Variants in NRIP1 observed in about 807,000 individuals in gnomAD.
NRIP1 encodes the protein nuclear receptor interacting protein 1.
In NRIP1, 28 loss-of-function variants were observed where a neutral mutation model predicts 75.0. That is an observed-to-expected ratio of 0.37 (90% CI 0.28 to 0.51). NRIP1 has a LOEUF of 0.51. Ranked by LOEUF, NRIP1 falls within the 20% of genes least tolerant of loss-of-function variation. The pLI is 0.92. For synonymous variants in NRIP1, 526 were observed against 487.6 expected (o/e 1.08, Z -1.04); for missense variants, 1,435 against 1,343.7 (o/e 1.07, Z -1.06).
Position 15,042,833 on chromosome 21 carries a change from A to T in NRIP1, c.-458+662T>A, listed in dbSNP as rs527262734. Among the ~76,000 whole-genome samples, 6 of 152,380 alleles carry T rather than the reference A, an allele frequency of 3.9e-5. No individual in the cohort carries two copies. In the South Asian group the frequency reaches 1.2e-3, roughly 32 times the overall value. On this transcript the variant is annotated intron_variant, in intron 2 of 3. Coordinates refer to ENST00000318948, the MANE Select transcript of NRIP1 (RefSeq NM_003489.4). ...CAAATGGACTAAGATAAGGTACAAA[A>T]GACAAAGCACAAAGTGAGTAAGTTT... is the stretch of plus-strand genomic sequence containing the variant.
At chr21:15,034,620 A>G (rs374859060) in intron 2 of NRIP1, among the ~76,000 whole-genome samples, 1 of 152,210 alleles carries the variant, frequency 6.6e-6, no homozygotes, top group East Asian at 1.9e-4. Context: ...ATGAAATGAA[A>G]GACAGGTTAA....
chr21:14,994,856 T>C (rs922603949), intron 3 of NRIP1, among the ~76,000 whole-genome samples: 1 of 152,212 alleles, frequency 6.6e-6, no homozygotes, highest in Non-Finnish European at 1.5e-5. Flanking sequence ...TAACATTGTG[T>C]CTGCTATCCT....
intron 3 of NRIP1, among the ~76,000 whole-genome samples, chr21:14,989,401 G>C (rs1159029027): frequency 6.6e-6 from 1 of 152,144 alleles, no homozygotes; most frequent in Non-Finnish European, 1.5e-5. Flanking sequence ...TAAACCAACT[G>C]CCTCCCTTGA....
chr21:15,014,541 T>C (rs1368349756), intron 2 of NRIP1, 75 bp from the exon 3 acceptor site: 1 of 398,190 alleles, frequency 2.5e-6, no homozygotes, highest in Non-Finnish European at 4.4e-6. Context: ...CAAGTTCAAC[T>C]TATCCCATTA....
At chr21:15,000,378 T>G (rs1308081348) in intron 3 of NRIP1, among the ~76,000 whole-genome samples, 1 of 152,124 alleles carries the variant, frequency 6.6e-6, no homozygotes, top group East Asian at 1.9e-4. Flanking sequence ...AGTTATTATA[T>G]GCCAGGTACA....
intron 2 of NRIP1, among the ~76,000 whole-genome samples, chr21:15,024,145 C>T (rs1381573911): frequency 6.6e-6 from 1 of 152,100 alleles, no homozygotes; most frequent in Non-Finnish European, 1.5e-5. Context: ...TAACTATATG[C>T]AAAGCGTTAA....
intron 3 of NRIP1, among the ~76,000 whole-genome samples, chr21:14,981,003 C>A (rs867335583): frequency 2.0e-5 from 3 of 152,142 alleles, no homozygotes; most frequent in African/African-American, 4.8e-5. Flanking sequence ...AGTTTCCAGT[C>A]AAGCTGTGGA....
At chr21:15,055,298 T>C (rs747302934) in intron 1 of NRIP1, among the ~76,000 whole-genome samples, 1 of 152,236 alleles carries the variant, frequency 6.6e-6, no homozygotes, top group Non-Finnish European at 1.5e-5. Flanking sequence ...TCTGGTCAAC[T>C]AAAGGTATCT....
chr21:15,021,490 C>T (rs1430989551), intron 2 of NRIP1, among the ~76,000 whole-genome samples: 1 of 152,122 alleles, frequency 6.6e-6, no homozygotes, highest in Non-Finnish European at 1.5e-5. Context: ...GTGATGGCTG[C>T]AACATCTGAG....
rs531927146 is a variant in NRIP1, at chr21:14,979,304, C to A, written c.-334-10778G>T. On this transcript the variant is annotated intron_variant, in intron 3 of 3. Transcript: ENST00000318948. ...ATAAGAAATGTAATGGAAAATGGAT[C>A]TTTCTTCTTCTGGAATTGCTTGAGT... 7.2e-5 allele frequency among the ~76,000 whole-genome samples: 11 copies of A among 152,262 alleles called. 1 individual carries two copies. In the South Asian group the frequency reaches 1.9e-3, roughly 26 times the overall value.
chr21:14,990,573 G>T (rs1034319947), intron 3 of NRIP1, among the ~76,000 whole-genome samples: 1 of 152,198 alleles, frequency 6.6e-6, no homozygotes, highest in Admixed American at 6.5e-5. Flanking sequence ...AAGAAGGTAA[G>T]AGCCAGAGGG....
chr21:15,029,298 C>T (rs2088590746), intron 2 of NRIP1, among the ~76,000 whole-genome samples: 1 of 152,124 alleles, frequency 6.6e-6, no homozygotes, highest in African/African-American at 2.4e-5. Context: ...CCCTCACTCA[C>T]CCCACTCCAG....
At chr21:15,052,036 T>C (rs2089213110) in intron 1 of NRIP1, 1 of 152,208 alleles carries the variant, frequency 6.6e-6, no homozygotes, top group Non-Finnish European at 1.5e-5. Context: ...AACTTTGCTG[T>C]AAAATATTAA....
intron 2 of NRIP1, among the ~76,000 whole-genome samples, chr21:15,029,883 T>A (rs145996992): frequency 2.0e-5 from 3 of 152,026 alleles, no homozygotes; most frequent in African/African-American, 7.2e-5. Flanking sequence ...CACCAGAGAG[T>A]CTGCAGAGAT....
intron 1 of NRIP1, 53 bp from the exon 2 acceptor site, chr21:15,043,627 T>G (rs1387306495): frequency 6.6e-6 from 1 of 152,186 alleles, no homozygotes; most frequent in Non-Finnish European, 1.5e-5. Flanking sequence ...TCTCAAAGAT[T>G]TGTTTTACAA....
intron 3 of NRIP1, among the ~76,000 whole-genome samples, chr21:15,007,399 G>T (rs1252085877): frequency 6.6e-6 from 1 of 152,138 alleles, no homozygotes; most frequent in Non-Finnish European, 1.5e-5. Flanking sequence ...ATAAGATAGG[G>T]TGTTATTTCA....
intron 2 of NRIP1, among the ~76,000 whole-genome samples, chr21:15,024,235 A>G (rs1264459408): frequency 1.3e-5 from 2 of 152,208 alleles, no homozygotes; most frequent in Admixed American, 1.3e-4. Flanking sequence ...GAACAACACC[A>G]TAAAATACAC....
intron 3 of NRIP1, among the ~76,000 whole-genome samples, chr21:15,000,846 G>T (rs551521430): frequency 6.6e-6 from 1 of 152,224 alleles, no homozygotes; most frequent in Non-Finnish European, 1.5e-5. Context: ...TCTGAATTTT[G>T]TAAGGGAGTT....
chr21:15,039,480 A>T (rs926722017), intron 2 of NRIP1, among the ~76,000 whole-genome samples: 1 of 152,164 alleles, frequency 6.6e-6, no homozygotes, highest in African/African-American at 2.4e-5. Context: ...GGCAAAATCA[A>T]ACCCACATTA....
Sources: gnomAD v4.1 joint callset for allele counts (sites outside exome capture counted in the v4.1 genomes callset) on GRCh38, gnomAD v4.1.1 for gene constraint, MANE v1.5 for transcripts, NCBI Gene and HGNC (gene_info 2026-07-23, HGNC 2026-07-21) for gene names.